The following UBA6 variants were observed in gnomAD, a reference collection of about 807,000 sequenced individuals.
UBA6 encodes ubiquitin like modifier activating enzyme 6.
Under a neutral mutation model 148.3 loss-of-function variants are expected in UBA6, and 87 were observed. The observed-to-expected ratio is 0.59, with a 90% CI of 0.49 to 0.70. The LOEUF is 0.70. UBA6 is among the 30% of genes least tolerant of loss of function. The pLI, the probability that UBA6 is intolerant of heterozygous loss-of-function variation, is 0.00. For missense variants in UBA6, 1,186 were observed against 1,241.2 expected (o/e 0.96, Z 0.67); for synonymous variants, 376 against 401.0 (o/e 0.94, Z 0.75).
At chr4:67,620,399 C>A (rs1318064379) in intron 32 of UBA6, among the ~76,000 whole-genome samples, 1 of 152,124 alleles carries the variant, frequency 6.6e-6, no homozygotes, top group African/African-American at 2.4e-5. Context: ...TGAGTTAGCA[C>A]AATACTCTGT....
chr4:67,634,234 AT>A lies in UBA6; in HGVS notation c.2013+7del, dbSNP rs1386781715. 1.3e-6 allele frequency: 2 copies of A among 1,565,176 alleles called. No homozygotes were observed. The highest frequency in any genetic ancestry group is 2.8e-5 in the African/African-American group (2 of 72,388). On this transcript the variant is annotated splice_region_variant and intron_variant, in intron 22 of 32. Transcript: ENST00000322244. ...GTTAAGTTTGTATTAAAATTTACTG[AT>A]TTTTACCTGTAAGACTTCTTCTGCA... is the stretch of plus-strand genomic sequence containing the variant.
rs1439653784 is a variant in UBA6 at position 67,663,967 on chromosome 4, C to CATTA, written c.898-24_898-21dup. 1 of 1,600,962 alleles carries CATTA rather than the reference C, an allele frequency of 6.2e-7. No homozygotes were observed. The highest frequency in any genetic ancestry group is 8.5e-7 in the Non-Finnish European group (1 of 1,170,392). On this transcript the variant is annotated intron_variant, in intron 10 of 32. Transcript: ENST00000322244. ...TGATTCCTGATAGGAAGGAAAAAGT[C>CATTA]ATTACTTCAGAGTGAGTGAGTGATT...
At position 67,629,118 on chromosome 4, in the gene UBA6, T is replaced by G; in HGVS notation, c.2353A>C (p.Asn785His). 2 of 1,609,664 alleles carry G rather than the reference T, an allele frequency of 1.2e-6. No individual in the cohort carries two copies. The highest frequency in any genetic ancestry group is 1.7e-6 in the Non-Finnish European group (2 of 1,176,780). ...EEDLSADALL[N>H]ILSEVKIQEF... Reference sequence around the variant, plus strand: ...TGAATCTTTACTTCTGAAAGAATATTCAAGAGGGCATCTGCTGATAAGTCC... The same window carrying G: ...TGAATCTTTACTTCTGAAAGAATATGCAAGAGGGCATCTGCTGATAAGTCC... Residue 785 changes from asparagine (N) to histidine (H), a missense_variant, in exon 27 of 33, where the codon AAT (asparagine) becomes CAT (histidine). Physicochemically the swap from Asn to His is moderately conservative, Grantham distance 68 (BLOSUM62 1). Transcript: ENST00000322244.
At chr4:67,657,652 C>G (rs1729732585) in intron 13 of UBA6, among the ~76,000 whole-genome samples, 1 of 151,926 alleles carries the variant, frequency 6.6e-6, no homozygotes, top group Admixed American at 6.6e-5. Context: ...AAAGCAATGG[C>G]AACAAAAGCC....
intron 19 of UBA6, among the ~76,000 whole-genome samples, chr4:67,637,154 G>A (rs1413453263): frequency 9.9e-5 from 15 of 150,824 alleles, no homozygotes; most frequent in Admixed American, 1.3e-4. Context: ...GTCTCCGCCC[G>A]GCAGCCGCCC....
intron 18 of UBA6, among the ~76,000 whole-genome samples, chr4:67,639,825 A>C (rs1369521272): frequency 1.3e-5 from 2 of 152,198 alleles, no homozygotes; most frequent in African/African-American, 2.4e-5. Context: ...AACAAAAGGC[A>C]TATGAATATG....
chr4:67,648,138 A>T (rs1729464924), intron 14 of UBA6, among the ~76,000 whole-genome samples: 1 of 151,790 alleles, frequency 6.6e-6, no homozygotes, highest in African/African-American at 2.4e-5. Context: ...TAAATAATTC[A>T]GCAGCAAAAA....
At chr4:67,631,994 G>A (rs1729010450) in intron 23 of UBA6, 86 bp from the exon 24 acceptor site, 1 of 1,223,074 alleles carries the variant, frequency 8.2e-7, no homozygotes, top group Non-Finnish European at 1.1e-6. Context: ...AATGTGTGTA[G>A]TAAATATATG....
At chr4:67,667,393 T>A (rs908048173) in intron 9 of UBA6, among the ~76,000 whole-genome samples, 1 of 152,262 alleles carries the variant, frequency 6.6e-6, no homozygotes, top group East Asian at 1.9e-4. Flanking sequence ...TTAAAATAAT[T>A]AGATGTAGCT....
At chr4:67,668,741 C>T in intron 8 of UBA6, 67 bp from the exon 9 acceptor site, 1 of 1,444,204 alleles carries the variant, frequency 6.9e-7, no homozygotes, top group Non-Finnish European at 9.4e-7. Flanking sequence ...AAATTCAAAT[C>T]TTAAGCAAAA....
intron 8 of UBA6, among the ~76,000 whole-genome samples, chr4:67,669,776 T>A (rs1296518225): frequency 6.6e-6 from 1 of 152,200 alleles, no homozygotes; most frequent in South Asian, 2.1e-4. Context: ...TGTGCCTTTT[T>A]AGAGTATTAG....
At chr4:67,655,729 C>CA (rs1173665272) in intron 13 of UBA6, among the ~76,000 whole-genome samples, 6 of 152,002 alleles carry the variant, frequency 3.9e-5, no homozygotes, top group African/African-American at 1.4e-4. Context: ...AAAAACCCTT[C>CA]AAAAAATCAA....
rs1728562056 is a variant in UBA6, at chr4:67,612,675, A to G, written c.*6322T>C. 1 of 152,186 alleles carries G rather than the reference A, an allele frequency of 6.6e-6. No homozygotes were observed. Among genetic ancestry groups the G allele is most frequent in the African/African-American group, 2.4e-5 (1 of 41,454 alleles). The allele number at this position is 152,186 out of a possible 1,614,324, so 9.4% of individuals were successfully genotyped here. ...AGTTTAGAGAATCACTACAGAGTTT[A>G]TTGTTTCCAGGTACAAAAACAATAC... On this transcript the variant is annotated 3_prime_UTR_variant, in exon 33 of 33. Transcript: ENST00000322244.
chr4:67,646,998 T>C (rs1033907279), intron 14 of UBA6, among the ~76,000 whole-genome samples: 2 of 152,070 alleles, frequency 1.3e-5, no homozygotes, highest in Admixed American at 6.6e-5. Flanking sequence ...GAAGGAACTG[T>C]TGACAGATAT....
chr4:67,679,198 T>C (rs188072158), intron 4 of UBA6, among the ~76,000 whole-genome samples: 138 of 152,232 alleles, frequency 9.1e-4, no homozygotes, highest in African/African-American at 3.1e-3. Context: ...GATAAACATA[T>C]ATACCCACAC....
chr4:67,663,886 T>C lies in UBA6; in HGVS notation c.959A>G (p.Glu320Gly), dbSNP rs751657571. ...CAAACCTGCAAAGTGTTTATTTACC[T>C]CAGGGTTGCTAAAATCCACAATAAG... ...KCLIVDFSNP[E>G]APLEIHTAML... The change falls in exon 11 of 33, where the codon GAG becomes GGG. Residue 320 changes from glutamate (E) to glycine (G), a missense_variant and splice_region_variant. Physicochemically the swap from Glu to Gly is moderately conservative, Grantham distance 98. Coordinates refer to ENST00000322244, the MANE Select transcript of UBA6 (RefSeq NM_018227.6). 2 of 1,613,270 alleles carry C rather than the reference T, an allele frequency of 1.2e-6. No individual in the cohort carries two copies. Among genetic ancestry groups the C allele is most frequent in the Non-Finnish European group, 1.7e-6 (2 of 1,179,392 alleles).
At chr4:67,620,827 T>C (rs1204880279) in intron 32 of UBA6, among the ~76,000 whole-genome samples, 2 of 152,294 alleles carry the variant, frequency 1.3e-5, no homozygotes, top group South Asian at 2.1e-4. Context: ...TTGTAGCTTT[T>C]TGAAACTAAG....
In UBA6 at chr4:67,673,729, C is replaced by A; in HGVS notation, c.514G>T (p.Asp172Tyr). The A allele has an allele frequency of 6.2e-7, 1 of 1,611,888 alleles. No homozygotes were observed. Among genetic ancestry groups the A allele is most frequent in the South Asian group, 1.1e-5 (1 of 90,866 alleles). ...GGAGGGCACTGAGAACGGCAAAAGT[C>A]ATTGATCTTCTTCTGCAATGGAAGT... ...MKLPLQKKINDFCRSQCPPIK... is the reference protein window; with the variant it reads ...MKLPLQKKINYFCRSQCPPIK... Residue 172 changes from aspartate (D) to tyrosine (Y), a missense_variant, in exon 7 of 33, where the codon GAC becomes TAC. Coordinates refer to ENST00000322244, the MANE Select transcript of UBA6 (RefSeq NM_018227.6).
At chr4:67,629,945 C>T (rs1324775743) in intron 26 of UBA6, among the ~76,000 whole-genome samples, 1 of 152,012 alleles carries the variant, frequency 6.6e-6, no homozygotes, top group African/African-American at 2.4e-5. Context: ...AGATGCCTCT[C>T]AAAACCGTAT....
Sources: allele counts gnomAD v4.1 joint callset (sites outside exome capture counted in the v4.1 genomes callset), GRCh38; gene constraint gnomAD v4.1.1; transcripts MANE v1.5; gene names NCBI Gene and HGNC (gene_info 2026-07-23, HGNC 2026-07-21).